RBMS3: variants seen among roughly 807,000 people sequenced by gnomAD.
RBMS3 encodes RNA-binding motif, single-stranded-interacting protein 3.
RBMS3 carries 27 observed loss-of-function variants against 66.8 expected under a neutral mutation model. The observed-to-expected ratio is 0.40, with a 90% CI of 0.30 to 0.56. The LOEUF (loss-of-function observed/expected upper bound fraction) is 0.56, where lower values mean the gene tolerates loss of function less well. RBMS3 is among the 20% of genes least tolerant of loss of function. The pLI is 0.40. For missense variants in RBMS3, 513 were observed against 549.5 expected (o/e 0.93, Z 0.66); for synonymous variants, 188 against 183.0 (o/e 1.03, Z -0.22).
chr3:29,795,568 A>G (rs1314106703), intron 6 of RBMS3, among the ~76,000 whole-genome samples: 1 of 152,230 alleles, frequency 6.6e-6, no homozygotes, highest in Non-Finnish European at 1.5e-5. Context: ...CTAAAACTGT[A>G]TATCACACAT....
chr3:29,939,233 A>G (rs2061336203), intron 11 of RBMS3, among the ~76,000 whole-genome samples: 1 of 152,102 alleles, frequency 6.6e-6, no homozygotes, highest in Non-Finnish European at 1.5e-5. Flanking sequence ...TTCAAACAAA[A>G]ACCCTTGGAA....
intron 1 of RBMS3, among the ~76,000 whole-genome samples, chr3:29,306,007 A>G (rs1269233507): frequency 6.6e-6 from 1 of 151,972 alleles, no homozygotes; most frequent in Non-Finnish European, 1.5e-5. Context: ...CTAAAAACAC[A>G]TGAAGAAACA....
At chr3:29,286,454 G>A (rs1031966611) in intron 1 of RBMS3, among the ~76,000 whole-genome samples, 15 of 151,944 alleles carry the variant, frequency 9.9e-5, no homozygotes, top group African/African-American at 3.6e-4. Flanking sequence ...AAAGTTCATG[G>A]TATTTTCTTT....
chr3:29,815,916 T>C (rs1250724523), intron 6 of RBMS3, among the ~76,000 whole-genome samples: 1 of 151,448 alleles, frequency 6.6e-6, no homozygotes, highest in Admixed American at 6.6e-5. Flanking sequence ...GAAAAGCACC[T>C]GTACTCCAAA....
chr3:29,759,752 T>C (rs2055582217), intron 5 of RBMS3, among the ~76,000 whole-genome samples: 1 of 152,144 alleles, frequency 6.6e-6, no homozygotes, highest in Non-Finnish European at 1.5e-5. Context: ...CTCACTTTTG[T>C]TCTGCTTCCA....
intron 6 of RBMS3, among the ~76,000 whole-genome samples, chr3:29,850,311 A>G (rs573224384): frequency 1.6e-4 from 24 of 152,142 alleles, no homozygotes; most frequent in Non-Finnish European, 3.4e-4. Flanking sequence ...TTCTCTTTAT[A>G]CTTGACTTCT....
chr3:29,766,313 C>A (rs2055926526), intron 6 of RBMS3: 1 of 151,872 alleles, frequency 6.6e-6, no homozygotes, highest in Non-Finnish European at 1.5e-5. Flanking sequence ...CCTACTATGT[C>A]ATTTCTAAAA....
intron 4 of RBMS3, among the ~76,000 whole-genome samples, chr3:29,691,005 A>G (rs2051979646): frequency 6.6e-6 from 1 of 152,182 alleles, no homozygotes; most frequent in South Asian, 2.1e-4. Context: ...AATGCTTAGC[A>G]AGGTTTATAC....
chr3:29,994,178 T>C (rs752572734), intron 14 of RBMS3, among the ~76,000 whole-genome samples: 13 of 152,196 alleles, frequency 8.5e-5, no homozygotes, highest in Non-Finnish European at 1.8e-4. Context: ...GGACGGCACC[T>C]GGAAAATCGG....
intron 1 of RBMS3, among the ~76,000 whole-genome samples, chr3:29,295,585 C>T (rs997760358): frequency 2.6e-5 from 4 of 151,184 alleles, no homozygotes; most frequent in African/African-American, 9.7e-5. Context: ...TATGCTCTTG[C>T]AAATAGCAAT....
intron 3 of RBMS3, among the ~76,000 whole-genome samples, chr3:29,513,835 T>C (rs769157103): frequency 6.6e-6 from 1 of 152,186 alleles, no homozygotes; most frequent in African/African-American, 2.4e-5. Flanking sequence ...CTAATTTCAT[T>C]CTATACTTTC....
chr3:29,401,585 C>G (rs562565051), intron 1 of RBMS3, among the ~76,000 whole-genome samples: 2 of 151,998 alleles, frequency 1.3e-5, no homozygotes, highest in African/African-American at 4.8e-5. Context: ...AAAGTTATAG[C>G]TAGACTAGGT....
chr3:29,345,748 AGAG>A (rs2036535413), intron 1 of RBMS3, among the ~76,000 whole-genome samples: 1 of 152,212 alleles, frequency 6.6e-6, no homozygotes, highest in South Asian at 2.1e-4. Flanking sequence ...ATTCATGGCC[AGAG>A]GAGGCCATTA....
chr3:29,360,876 C>CT (rs1001077481), intron 1 of RBMS3, among the ~76,000 whole-genome samples: 1 of 151,784 alleles, frequency 6.6e-6, no homozygotes, highest in African/African-American at 2.4e-5. Flanking sequence ...CAACCCCTGC[C>CT]TTTTTTTGGT....
chr3:29,639,292 G>A (rs2049594948), intron 4 of RBMS3, among the ~76,000 whole-genome samples: 1 of 151,766 alleles, frequency 6.6e-6, no homozygotes, highest in South Asian at 2.1e-4. Flanking sequence ...TATACAGGAA[G>A]GATAATTTGG....
chr3:29,698,232 G>A, intron 4 of RBMS3: 1 of 985,356 alleles, frequency 1.0e-6, no homozygotes, highest in Non-Finnish European at 1.2e-6. Context: ...AAAGTTCTGA[G>A]TAATGCACAG....
intron 10 of RBMS3, among the ~76,000 whole-genome samples, chr3:29,928,500 A>G (rs892390911): frequency 6.6e-6 from 1 of 151,544 alleles, no homozygotes; most frequent in African/African-American, 2.4e-5. Flanking sequence ...TAAATTTTGG[A>G]GTGTGCAATA....
intron 3 of RBMS3, among the ~76,000 whole-genome samples, chr3:29,490,409 TGACTC>T (rs2043497685): frequency 6.6e-6 from 1 of 152,160 alleles, no homozygotes; most frequent in Admixed American, 6.5e-5. Flanking sequence ...AGTTGGCTAT[TGACTC>T]TAACAGTGAA....
chr3:29,977,059 A>G (rs1420246019), intron 12 of RBMS3, among the ~76,000 whole-genome samples: 1 of 152,088 alleles, frequency 6.6e-6, no homozygotes, highest in Non-Finnish European at 1.5e-5. Context: ...TTCCTTTCAG[A>G]GGTGCATTTT....
Sources: allele counts gnomAD v4.1 joint callset (sites outside exome capture counted in the v4.1 genomes callset), GRCh38; gene constraint gnomAD v4.1.1; transcripts MANE v1.5; gene names NCBI Gene and HGNC (gene_info 2026-07-23, HGNC 2026-07-21).